MMP16: variants seen among roughly 807,000 people sequenced by gnomAD.
MMP16 encodes matrix metallopeptidase 16, also known as matrix metalloproteinase-16.
In MMP16, 12 loss-of-function variants were observed where a neutral mutation model predicts 67.8. That is an observed-to-expected ratio of 0.18 (90% CI 0.11 to 0.29). The LOEUF is 0.29. MMP16 is among the 10% of genes least tolerant of loss of function. The probability of loss-of-function intolerance (pLI) is 1.00; values close to 1 mark genes in which losing one functional copy is unlikely to be tolerated. For synonymous variants in MMP16, 249 were observed against 255.9 expected, an observed-to-expected ratio of 0.97 and a Z score of 0.26; for missense variants, 475 against 765.7, an observed-to-expected ratio of 0.62 and a Z score of 4.48.
chr8:88,154,564 G>A (rs1201910250), intron 4 of MMP16, among the ~76,000 whole-genome samples: 2 of 151,656 alleles, frequency 1.3e-5, no homozygotes, highest in African/African-American at 2.4e-5. Flanking sequence ...CATGTCCTTT[G>A]TAGGGACATG....
At position 88,237,677 on chromosome 8, in the gene MMP16, AC is replaced by A. The variant is rs1180143392; in HGVS notation, c.133-40372del. On this transcript the variant is annotated intron_variant, in intron 1 of 9. Coordinates refer to ENST00000286614, the MANE Select transcript of MMP16 (RefSeq NM_005941.5). Reference sequence around the variant, plus strand: ...AAACAGAACAACAACAACAACAACAACAACAAAAAACAACTGCATCTTGGGT... The same window carrying A: ...AAACAGAACAACAACAACAACAACAAAACAAAAAACAACTGCATCTTGGGT... Among the ~76,000 whole-genome samples the A allele has an allele frequency of 3.3e-3, 31 of 9,410 alleles. 2 individuals are homozygous for A. Among genetic ancestry groups the A allele is most frequent in the Middle Eastern group, 0.1 (1 of 10 alleles). 6.2% of individuals were successfully genotyped at this position (9,410 alleles called of 152,430 possible). A position where few individuals can be genotyped will look rare whatever the true frequency, so the allele number is the denominator to read the frequency against.
chr8:88,153,567 C>T (rs541940838), intron 4 of MMP16, among the ~76,000 whole-genome samples: 1 of 152,092 alleles, frequency 6.6e-6, no homozygotes, highest in East Asian at 1.9e-4. Context: ...CACCGCACAC[C>T]TACAACTATC....
At chr8:88,284,227 C>A (rs1055014084) in intron 1 of MMP16, among the ~76,000 whole-genome samples, 1 of 152,120 alleles carries the variant, frequency 6.6e-6, no homozygotes, top group Non-Finnish European at 1.5e-5. Context: ...CTTATCATGC[C>A]AATCTAACAG....
intron 4 of MMP16, among the ~76,000 whole-genome samples, chr8:88,148,373 A>G (rs1323516173): frequency 6.6e-6 from 1 of 152,196 alleles, no homozygotes; most frequent in Non-Finnish European, 1.5e-5. Context: ...TGTTTCCTTC[A>G]GTGTTAGTGA....
chr8:88,114,559 A>G (rs1371896857), intron 6 of MMP16, among the ~76,000 whole-genome samples: 1 of 152,058 alleles, frequency 6.6e-6, no homozygotes, highest in Non-Finnish European at 1.5e-5. Context: ...CTGGACACAC[A>G]GACACATTTT....
chr8:88,294,751 G>T (rs751429356), intron 1 of MMP16, among the ~76,000 whole-genome samples: 1 of 152,132 alleles, frequency 6.6e-6, no homozygotes, highest in African/African-American at 2.4e-5. Context: ...GTCTCGCTCT[G>T]TCGCCCAGGC....
At chr8:88,311,605 AT>A (rs900476365) in intron 1 of MMP16, among the ~76,000 whole-genome samples, 19 of 152,146 alleles carry the variant, frequency 1.2e-4, no homozygotes, top group Non-Finnish European at 2.5e-4. Context: ...ATGACATGTC[AT>A]TTTTAATGAA....
chr8:88,210,026 T>C (rs1779211436), intron 1 of MMP16, among the ~76,000 whole-genome samples: 1 of 152,122 alleles, frequency 6.6e-6, no homozygotes, highest in African/African-American at 2.4e-5. Flanking sequence ...TATCCCTCTT[T>C]CCAGCAGTGA....
At chr8:88,191,287 G>A (rs1195626821) in intron 2 of MMP16, among the ~76,000 whole-genome samples, 3 of 152,040 alleles carry the variant, frequency 2.0e-5, no homozygotes, top group East Asian at 3.9e-4. Context: ...TTCGGTTTCC[G>A]CATCTTTAAA....
At chr8:88,282,082 T>TG (rs113575777) in intron 1 of MMP16, among the ~76,000 whole-genome samples, 1,824 of 115,336 alleles carry the variant, frequency 0.016, 65 homozygotes, top group South Asian at 0.022. Context: ...TTTTCTTTTT[T>TG]GGGGGGGGGG....
chr8:88,144,501 A>C (rs915028734), intron 4 of MMP16, among the ~76,000 whole-genome samples: 61 of 151,832 alleles, frequency 4.0e-4, no homozygotes, highest in African/African-American at 1.4e-3. Flanking sequence ...AAAATAATAA[A>C]GTCTGGTTTA....
At chr8:88,047,497 G>A (rs1173046383) in intron 8 of MMP16, among the ~76,000 whole-genome samples, 2 of 152,198 alleles carry the variant, frequency 1.3e-5, no homozygotes, top group Non-Finnish European at 2.9e-5. Flanking sequence ...GAGAGGTCCT[G>A]TCTGATAAGT....
chr8:88,167,425 T>C (rs1382058208), intron 4 of MMP16, among the ~76,000 whole-genome samples: 2 of 152,162 alleles, frequency 1.3e-5, no homozygotes, highest in Non-Finnish European at 2.9e-5. Context: ...AAACTTACTT[T>C]AGAGTATTTA....
intron 3 of MMP16, among the ~76,000 whole-genome samples, chr8:88,174,005 T>C (rs1808845787): frequency 6.6e-6 from 1 of 152,182 alleles, no homozygotes; most frequent in Non-Finnish European, 1.5e-5. Context: ...CAATGAAGTC[T>C]TTGGGTTTAG....
intron 4 of MMP16, among the ~76,000 whole-genome samples, chr8:88,155,275 A>G (rs1008127629): frequency 2.0e-5 from 3 of 152,224 alleles, no homozygotes; most frequent in Non-Finnish European, 4.4e-5. Flanking sequence ...CATGCATGTA[A>G]TTAGAATATA....
chr8:88,061,076 T>C (rs1036841863), intron 7 of MMP16, among the ~76,000 whole-genome samples: 2 of 151,460 alleles, frequency 1.3e-5, no homozygotes, highest in Admixed American at 6.6e-5. Context: ...TTGGGAAATA[T>C]GGTCATAAAA....
intron 1 of MMP16, among the ~76,000 whole-genome samples, chr8:88,237,681 C>CAG (rs1554587735): frequency 0.043 from 6,476 of 151,272 alleles, 172 homozygotes; most frequent in Admixed American, 0.053. Flanking sequence ...ACAACAACAA[C>CAG]AAAAAACAAC....
chr8:88,177,400 G>A (rs1236264106), intron 3 of MMP16, among the ~76,000 whole-genome samples: 2 of 152,130 alleles, frequency 1.3e-5, no homozygotes, highest in Non-Finnish European at 2.9e-5. Flanking sequence ...AGTGGAGAGA[G>A]GGGCAAATAC....
chr8:88,176,514 G>A (rs1403414659), intron 3 of MMP16, among the ~76,000 whole-genome samples: 1 of 152,136 alleles, frequency 6.6e-6, no homozygotes, highest in East Asian at 1.9e-4. Flanking sequence ...TCAATATATG[G>A]AGCTGTCTAA....
Sources: gnomAD v4.1 joint callset for allele counts (sites outside exome capture counted in the v4.1 genomes callset) on GRCh38, gnomAD v4.1.1 for gene constraint, MANE v1.5 for transcripts, NCBI Gene and HGNC (gene_info 2026-07-23, HGNC 2026-07-21) for gene names.